LRBA: variants seen among roughly 807,000 people sequenced by gnomAD.
LRBA encodes LPS responsive beige-like anchor protein.
Under a neutral mutation model 330.0 loss-of-function variants are expected in LRBA, and 176 were observed. The ratio of observed to expected loss-of-function variants is 0.53; its 90% CI spans 0.47 to 0.60. The LOEUF is 0.60. LRBA is among the 20% of genes least tolerant of loss of function. The pLI is 0.00. For missense variants in LRBA, 3,259 were observed against 3,444.8 expected (o/e 0.95, Z 1.35); for synonymous variants, 1,230 against 1,193.0 (o/e 1.03, Z -0.64).
chr4:150,302,803 A>G lies in LRBA; in HGVS notation c.7850-11T>C. The G allele has an allele frequency of 6.4e-7, 1 of 1,553,050 alleles. No individual in the cohort carries two copies. ...CTTGGATCAATCTTCCTGTAATGCA[A>G]AACAATTTTCTTTAAAAATGCTATT... On this transcript the variant is annotated splice_polypyrimidine_tract_variant and intron_variant, in intron 52 of 56. Transcript: ENST00000651943.
chr4:150,325,607 G>A (rs1733138964), intron 49 of LRBA, among the ~76,000 whole-genome samples: 1 of 152,106 alleles, frequency 6.6e-6, no homozygotes, highest in African/African-American at 2.4e-5. Context: ...AAATACAAGA[G>A]CACTGGAGCA....
chr4:150,529,861 G>A (rs894614639), intron 40 of LRBA, among the ~76,000 whole-genome samples: 3 of 152,044 alleles, frequency 2.0e-5, no homozygotes, highest in Admixed American at 2.0e-4. Flanking sequence ...AAATTCCCAT[G>A]TAGCCATCAC....
intron 34 of LRBA, among the ~76,000 whole-genome samples, chr4:150,791,781 C>A (rs1250088703): frequency 6.6e-6 from 1 of 152,092 alleles, no homozygotes; most frequent in Non-Finnish European, 1.5e-5. Context: ...GTAATCCCAG[C>A]ACTTTGGGAG....
chr4:150,578,845 T>C (rs1770862637), intron 40 of LRBA, among the ~76,000 whole-genome samples: 1 of 152,214 alleles, frequency 6.6e-6, no homozygotes, highest in African/African-American at 2.4e-5. Context: ...CCTCCTTCCC[T>C]TTTTAGGAAT....
intron 2 of LRBA, among the ~76,000 whole-genome samples, chr4:150,953,437 G>A (rs1244086636): frequency 3.1e-5 from 4 of 127,010 alleles, no homozygotes; most frequent in Admixed American, 1.0e-4. Flanking sequence ...CTGTACTGCC[G>A]CCATCTCGGC....
At chr4:150,769,302 G>A (rs1578723420) in intron 34 of LRBA, among the ~76,000 whole-genome samples, 1 of 152,012 alleles carries the variant, frequency 6.6e-6, no homozygotes, top group African/African-American at 2.4e-5. Flanking sequence ...GACACAGAAC[G>A]AATGGGAAGA....
At chr4:150,353,695 G>A (rs1737463757) in intron 47 of LRBA, among the ~76,000 whole-genome samples, 1 of 152,156 alleles carries the variant, frequency 6.6e-6, no homozygotes, top group South Asian at 2.1e-4. Context: ...AAACACACAT[G>A]CAGAGATCAC....
chr4:150,295,062 A>C (rs1728799547), intron 53 of LRBA, among the ~76,000 whole-genome samples: 1 of 152,134 alleles, frequency 6.6e-6, no homozygotes, highest in Non-Finnish European at 1.5e-5. Flanking sequence ...ATAAAAGCTA[A>C]TTAGAGATGG....
At position 150,355,259 on chromosome 4, in the gene LRBA, A is replaced by G. The variant is rs1048051575; in HGVS notation, c.7195-5100T>C. Among the ~76,000 whole-genome samples, 5 of 152,194 alleles carry G rather than the reference A, an allele frequency of 3.3e-5. No individual in the cohort carries two copies. The South Asian group carries it at 6.2e-4, about 19-fold the overall frequency. On this transcript the variant is annotated intron_variant, in intron 47 of 56. Transcript: ENST00000651943. ...TTTTCAAAAAACCAAATTTTTGCCA[A>G]TGTAAAAATCAAGAAAACCAATTTC...
chr4:150,352,574 T>C (rs1261820825), intron 47 of LRBA, among the ~76,000 whole-genome samples: 1 of 152,294 alleles, frequency 6.6e-6, no homozygotes, highest in East Asian at 1.9e-4. Flanking sequence ...ATTAAACAGA[T>C]ATGACAGCAC....
At chr4:150,656,235 A>C (rs1194983693) in intron 37 of LRBA, among the ~76,000 whole-genome samples, 1 of 152,212 alleles carries the variant, frequency 6.6e-6, no homozygotes, top group Non-Finnish European at 1.5e-5. Context: ...TCAGCCCCCA[A>C]GTGAAAGGTC....
At chr4:150,536,556 G>T (rs1360007948) in intron 40 of LRBA, among the ~76,000 whole-genome samples, 1 of 152,116 alleles carries the variant, frequency 6.6e-6, no homozygotes, top group Non-Finnish European at 1.5e-5. Flanking sequence ...TGTCCACTCT[G>T]CAAAAAGTTA....
chr4:150,763,062 T>C (rs1164467465), intron 34 of LRBA, among the ~76,000 whole-genome samples: 1 of 152,036 alleles, frequency 6.6e-6, no homozygotes, highest in East Asian at 1.9e-4. Flanking sequence ...CATGATTTTG[T>C]CAAAGGATTA....
intron 37 of LRBA, among the ~76,000 whole-genome samples, chr4:150,653,318 TAAAG>T (rs1779882206): frequency 1.3e-5 from 2 of 152,236 alleles, no homozygotes; most frequent in South Asian, 4.1e-4. Context: ...AGGTAATCCA[TAAAG>T]ATTTTGTAAT....
intron 37 of LRBA, among the ~76,000 whole-genome samples, chr4:150,671,986 G>A (rs1782103460): frequency 6.6e-6 from 1 of 152,182 alleles, no homozygotes; most frequent in African/African-American, 2.4e-5. Flanking sequence ...ACAACAAGGT[G>A]TAACATTTCT....
chr4:150,546,744 C>T lies in LRBA; in HGVS notation c.6330+41304G>A, dbSNP rs563041980. ...ACAGTAAAATTGTTTTAAAAAATGACGATTAGTTGTTTCACAGACTTGGAA... is the reference window on the plus strand; with the variant it reads ...ACAGTAAAATTGTTTTAAAAAATGATGATTAGTTGTTTCACAGACTTGGAA... On this transcript the variant is annotated intron_variant, in intron 40 of 56. Coordinates refer to ENST00000651943, the MANE Select transcript of LRBA (RefSeq NM_001364905.1). Among the ~76,000 whole-genome samples, 173 of 152,234 alleles carry T rather than the reference C, an allele frequency of 1.1e-3. 1 individual carries two copies. Among genetic ancestry groups the T allele is most frequent in the African/African-American group, 3.2e-3 (134 of 41,542 alleles).
intron 46 of LRBA, chr4:150,423,426 G>T: frequency 1.6e-6 from 1 of 612,878 alleles, no homozygotes. Context: ...TTTTTGTGGA[G>T]GCTCTGGCGG....
intron 2 of LRBA, among the ~76,000 whole-genome samples, chr4:150,960,748 G>C (rs1177230381): frequency 1.3e-5 from 2 of 148,906 alleles, no homozygotes; most frequent in Non-Finnish European, 2.9e-5. Flanking sequence ...AATAGTTACA[G>C]TTTTACAATA....
At chr4:150,342,304 A>G (rs984252156) in intron 48 of LRBA, among the ~76,000 whole-genome samples, 1 of 152,140 alleles carries the variant, frequency 6.6e-6, no homozygotes, top group Non-Finnish European at 1.5e-5. Flanking sequence ...ATAAAAGAAT[A>G]TATGTAATAT....
Sources: gnomAD v4.1 joint callset for allele counts (sites outside exome capture counted in the v4.1 genomes callset) on GRCh38, gnomAD v4.1.1 for gene constraint, MANE v1.5 for transcripts, NCBI Gene and HGNC (gene_info 2026-07-23, HGNC 2026-07-21) for gene names.